FMN2: variants seen among roughly 807,000 people sequenced by gnomAD.
FMN2 encodes formin-2.
A neutral mutation model predicts 142.3 loss-of-function variants in FMN2; 51 were observed. The ratio of observed to expected loss-of-function variants is 0.36; its 90% CI spans 0.29 to 0.45. FMN2 has a LOEUF of 0.45. FMN2 is among the 20% of genes least tolerant of loss of function. FMN2 has a pLI of 1.00. For synonymous variants in FMN2, 882 were observed against 869.8 expected (o/e 1.01, Z -0.25); for missense variants, 1,936 against 2,122.8 (o/e 0.91, Z 1.73).
chr1:240,159,974 T>TACACACACACAC (rs1185408892), intron 2 of FMN2, among the ~76,000 whole-genome samples: 33 of 134,072 alleles, frequency 2.5e-4, no homozygotes, highest in African/African-American at 9.3e-4. Flanking sequence ...TATATATATA[T>TACACACACACAC]ACACACACAC....
intron 14 of FMN2, among the ~76,000 whole-genome samples, chr1:240,377,002 T>A (rs1479068658): frequency 6.6e-6 from 1 of 152,202 alleles, no homozygotes; most frequent in Admixed American, 6.5e-5. Flanking sequence ...ATTTTACATC[T>A]ACATATGTTA....
At chr1:240,152,206 C>T (rs1663812456) in intron 2 of FMN2, among the ~76,000 whole-genome samples, 1 of 151,906 alleles carries the variant, frequency 6.6e-6, no homozygotes, top group Admixed American at 6.6e-5. Context: ...ACACATAATT[C>T]TCCTCTCTGT....
intron 2 of FMN2, among the ~76,000 whole-genome samples, chr1:240,161,392 G>A (rs1472336487): frequency 6.6e-6 from 1 of 152,158 alleles, no homozygotes; most frequent in Middle Eastern, 3.4e-3. Context: ...AATTAGCCAG[G>A]CGTGGTGGTG....
chr1:240,464,657 G>A (rs907915810), intron 16 of FMN2, among the ~76,000 whole-genome samples: 1 of 152,050 alleles, frequency 6.6e-6, no homozygotes, highest in Non-Finnish European at 1.5e-5. Flanking sequence ...TTACTGTGAA[G>A]GGAAAGGAAT....
chr1:240,094,706 G>A (rs1241341516), intron 1 of FMN2, among the ~76,000 whole-genome samples: 1 of 152,126 alleles, frequency 6.6e-6, no homozygotes, highest in Non-Finnish European at 1.5e-5. Context: ...AAAGTTACAT[G>A]ACTACTGATA....
intron 8 of FMN2, 152 bp from the exon 9 acceptor site, chr1:240,328,924 T>C (rs1671286951): frequency 1.4e-6 from 1 of 700,214 alleles, no homozygotes; most frequent in Non-Finnish European, 2.3e-6. Flanking sequence ...ATGAATTAAG[T>C]CAAGCTTTAC....
intron 2 of FMN2, among the ~76,000 whole-genome samples, chr1:240,168,594 G>T (rs1313232447): frequency 6.6e-6 from 1 of 151,888 alleles, no homozygotes; most frequent in Non-Finnish European, 1.5e-5. Flanking sequence ...ATCTCTTTAG[G>T]TAATTAAATA....
intron 6 of FMN2, chr1:240,245,574 C>G (rs1471250097): frequency 8.5e-6 from 4 of 471,142 alleles, no homozygotes; most frequent in African/African-American, 8.0e-5. Flanking sequence ...TGGTAAGTGT[C>G]TGGTTTTTTT....
At chr1:240,126,457 CA>C (rs1343639571) in intron 2 of FMN2, among the ~76,000 whole-genome samples, 3 of 150,314 alleles carry the variant, frequency 2.0e-5, no homozygotes, top group Non-Finnish European at 4.4e-5. Context: ...TATGCAATTA[CA>C]GCAATAAAGA....
intron 4 of FMN2, among the ~76,000 whole-genome samples, chr1:240,198,382 A>G (rs1400183442): frequency 1.3e-5 from 2 of 152,224 alleles, no homozygotes; most frequent in Non-Finnish European, 2.9e-5. Context: ...TGTTAAAAGT[A>G]ATACAGCCAA....
In FMN2 at chr1:240,092,224, A is replaced by G. The variant is rs1470409061; in HGVS notation, c.115A>G (p.Ser39Gly). Reference sequence around the variant, plus strand: ...GGATGTGGAAGCCACAAAGAAGGGGAGCGGGGGCAAGAAGGCGCTAGGCAA... The same window carrying G: ...GGATGTGGAAGCCACAAAGAAGGGGGGCGGGGGCAAGAAGGCGCTAGGCAA... ...PRDVEATKKG[S>G]GGKKALGKHG... Residue 39 changes from serine to glycine, a missense_variant, in exon 1 of 18, where the codon AGC becomes GGC. Ser to Gly is a moderately conservative substitution (Grantham distance 56, BLOSUM62 0). Transcript: ENST00000319653. 1 of 1,507,572 alleles carries G rather than the reference A, an allele frequency of 6.6e-7. No homozygotes were observed. The highest frequency in any genetic ancestry group is 1.2e-5 in the South Asian group (1 of 84,614). 93.4% of individuals were successfully genotyped at this position (1,507,572 alleles called of 1,614,324 possible).
chr1:240,315,904 A>G (rs1558428696), intron 8 of FMN2, among the ~76,000 whole-genome samples: 1 of 152,204 alleles, frequency 6.6e-6, no homozygotes, highest in East Asian at 1.9e-4. Context: ...AATAATGCAA[A>G]AGTATTTTCC....
intron 16 of FMN2, among the ~76,000 whole-genome samples, chr1:240,465,701 A>G (rs1676596535): frequency 6.6e-6 from 1 of 152,140 alleles, no homozygotes; most frequent in Admixed American, 6.5e-5. Context: ...TATTTAGACC[A>G]AGCTATTAAT....
chr1:240,236,380 TC>T (rs1238210224), intron 6 of FMN2, among the ~76,000 whole-genome samples: 4 of 152,190 alleles, frequency 2.6e-5, no homozygotes, highest in Admixed American at 6.5e-5. Flanking sequence ...CCATGGTATT[TC>T]CTCGTCGCCA....
intron 15 of FMN2, among the ~76,000 whole-genome samples, chr1:240,408,626 G>T (rs1674292221): frequency 6.6e-6 from 1 of 151,858 alleles, no homozygotes; most frequent in African/African-American, 2.4e-5. Flanking sequence ...GTTTAATATT[G>T]GTAATATAGG....
At chr1:240,447,652 A>G (rs1558112321) in intron 16 of FMN2, among the ~76,000 whole-genome samples, 1 of 152,214 alleles carries the variant, frequency 6.6e-6, no homozygotes, top group African/African-American at 2.4e-5. Context: ...TTTTGCACCA[A>G]CCTAATACGT....
At chr1:240,374,380 A>G (rs1439410187) in intron 14 of FMN2, among the ~76,000 whole-genome samples, 1 of 152,130 alleles carries the variant, frequency 6.6e-6, no homozygotes, top group Non-Finnish European at 1.5e-5. Context: ...CTAGCTATGA[A>G]ACTCCTAGAT....
At chr1:240,102,137 C>G (rs1661437749) in intron 1 of FMN2, among the ~76,000 whole-genome samples, 1 of 151,990 alleles carries the variant, frequency 6.6e-6, no homozygotes, top group Non-Finnish European at 1.5e-5. Flanking sequence ...TTTTATGAGT[C>G]TGTGGTATTC....
chr1:240,121,710 C>G (rs1425084194), intron 1 of FMN2, among the ~76,000 whole-genome samples: 1 of 115,586 alleles, frequency 8.7e-6, no homozygotes. Flanking sequence ...TATTATGCCT[C>G]TCTTGCCTTT....
Sources: gnomAD v4.1 joint callset for allele counts (sites outside exome capture counted in the v4.1 genomes callset) on GRCh38, gnomAD v4.1.1 for gene constraint, MANE v1.5 for transcripts, NCBI Gene and HGNC (gene_info 2026-07-23, HGNC 2026-07-21) for gene names.